Variants in TRPM7 observed in about 807,000 individuals in gnomAD.
TRPM7 encodes transient receptor potential cation channel subfamily M member 7, also known as LTRPC ion channel family member 7.
TRPM7 carries 134 observed loss-of-function variants against 229.7 expected under a neutral mutation model. The ratio of observed to expected loss-of-function variants is 0.58; its 90% CI spans 0.51 to 0.67. TRPM7 has a LOEUF of 0.67. Among genes scored for constraint, TRPM7 ranks in the 30% least tolerant of loss-of-function variants. The pLI, the probability that TRPM7 is intolerant of heterozygous loss-of-function variation, is 0.00. For synonymous variants in TRPM7, 699 were observed against 715.2 expected (o/e 0.98, Z 0.36); for missense variants, 1,901 against 2,210.0 (o/e 0.86, Z 2.80).
At position 50,651,163 on chromosome 15, in the gene TRPM7, G is replaced by A. The variant is rs1362601403; in HGVS notation, c.123-2278C>T. ...TATGGTGCCACTGCACTCCAGCCTG[G>A]GTGACACAGAGAGACCCTGTCTCAA... On this transcript the variant is annotated intron_variant, in intron 3 of 38. Coordinates refer to ENST00000646667, the MANE Select transcript of TRPM7 (RefSeq NM_017672.6). Among the ~76,000 whole-genome samples the A allele has an allele frequency of 2.0e-5, 3 of 152,028 alleles. No homozygotes were observed. The East Asian group carries it at 5.8e-4, about 29-fold the overall frequency.
intron 21 of TRPM7, among the ~76,000 whole-genome samples, chr15:50,601,028 T>C (rs527763706): frequency 6.6e-6 from 1 of 152,178 alleles, no homozygotes; most frequent in Admixed American, 6.5e-5. Flanking sequence ...AAACAAAATA[T>C]TGCAAAACAA....
intron 19 of TRPM7, among the ~76,000 whole-genome samples, chr15:50,607,836 C>G (rs1254083628): frequency 6.8e-6 from 1 of 146,624 alleles, no homozygotes; most frequent in Non-Finnish European, 1.5e-5. Flanking sequence ...CATCTGAGGT[C>G]AGGGGTTCGA....
At chr15:50,685,678 C>G (rs978780389) in intron 1 of TRPM7, among the ~76,000 whole-genome samples, 1 of 152,166 alleles carries the variant, frequency 6.6e-6, no homozygotes, top group Non-Finnish European at 1.5e-5. Context: ...ACCTACTTTG[C>G]TCTTCATGTC....
At chr15:50,578,592 T>C (rs1423176386) in intron 31 of TRPM7, 47 bp downstream of exon 31, 4 of 1,572,578 alleles carry the variant, frequency 2.5e-6, no homozygotes, top group African/African-American at 1.4e-5. Context: ...TAACAGATCA[T>C]GTAAGATTCT....
chr15:50,637,660 G>C, intron 6 of TRPM7, 67 bp from the exon 7 acceptor site: 2 of 1,346,960 alleles, frequency 1.5e-6, no homozygotes, highest in Non-Finnish European at 2.0e-6. Context: ...AATAAATTTT[G>C]AAATAATCCG....
chr15:50,600,179 G>A (rs949127957), intron 21 of TRPM7, among the ~76,000 whole-genome samples: 7 of 152,350 alleles, frequency 4.6e-5, no homozygotes, highest in African/African-American at 1.7e-4. Flanking sequence ...ACTCAAGCCT[G>A]TAATCCCAGC....
chr15:50,619,741 T>C lies in TRPM7; in HGVS notation c.1494+4A>G. ...TTTTTCAAAAGCAAAAAATAATCTC[T>C]TACCTGTTTGACGTCTCGAACAAGA... On this transcript the variant is annotated splice_donor_region_variant and intron_variant, in intron 13 of 38. Coordinates refer to ENST00000646667, the MANE Select transcript of TRPM7 (RefSeq NM_017672.6). 1.3e-6 allele frequency: 2 copies of C among 1,587,044 alleles called. No homozygotes were observed. Among genetic ancestry groups the C allele is most frequent in the Non-Finnish European group, 1.7e-6 (2 of 1,171,186 alleles).
In TRPM7 at chr15:50,560,397, TCA is replaced by T. The variant is rs1439632221; in HGVS notation, c.*1279_*1280del. ...ACTTTTTCTTTCTCCCCACCCCCAA[TCA>T]ATATTAAACACTATTTAAACAGCTT... On this transcript the variant is annotated 3_prime_UTR_variant, in exon 39 of 39. Coordinates refer to ENST00000646667, the MANE Select transcript of TRPM7 (RefSeq NM_017672.6). 1 of 152,544 alleles carries T rather than the reference TCA, an allele frequency of 6.6e-6. No individual in the cohort carries two copies. Among genetic ancestry groups the T allele is most frequent in the Non-Finnish European group, 1.5e-5 (1 of 68,016 alleles). 9.4% of individuals were successfully genotyped at this position (152,544 alleles called of 1,614,324 possible). A position where few individuals can be genotyped will look rare whatever the true frequency, so the allele number is the denominator to read the frequency against.
chr15:50,574,136 C>A (rs2054025209), intron 36 of TRPM7, 138 bp downstream of exon 36: 5 of 676,578 alleles, frequency 7.4e-6, no homozygotes, highest in Non-Finnish European at 1.3e-5. Context: ...TATGCTATGA[C>A]TGTGATTAAC....
intron 31 of TRPM7, among the ~76,000 whole-genome samples, chr15:50,577,247 G>A (rs1566945788): frequency 6.6e-6 from 1 of 152,064 alleles, no homozygotes; most frequent in Non-Finnish European, 1.5e-5. Flanking sequence ...TAAAGTGGAG[G>A]AGTGACCTTT....
chr15:50,650,062 G>C (rs748295606), intron 3 of TRPM7, among the ~76,000 whole-genome samples: 1 of 151,428 alleles, frequency 6.6e-6, no homozygotes, highest in Non-Finnish European at 1.5e-5. Flanking sequence ...GCATGGTGGC[G>C]CGTGCCTGTA....
At chr15:50,565,284 G>A (rs1026105685) in intron 38 of TRPM7, among the ~76,000 whole-genome samples, 4 of 151,876 alleles carry the variant, frequency 2.6e-5, no homozygotes, top group Admixed American at 6.6e-5. Flanking sequence ...CTTAAAAAAT[G>A]GAAACTGTTT....
intron 2 of TRPM7, among the ~76,000 whole-genome samples, chr15:50,659,965 A>T (rs534515854): frequency 6.6e-6 from 1 of 152,282 alleles, no homozygotes; most frequent in African/African-American, 2.4e-5. Context: ...ACACCCGACC[A>T]ACAAAATCTA....
intron 13 of TRPM7, among the ~76,000 whole-genome samples, chr15:50,618,395 C>A (rs923932848): frequency 1.3e-5 from 2 of 151,856 alleles, no homozygotes; most frequent in South Asian, 2.1e-4. Context: ...ATGGTGAAAC[C>A]CCGTCTCTAC....
intron 4 of TRPM7, among the ~76,000 whole-genome samples, chr15:50,644,820 AAAG>A (rs2061213696): frequency 1.3e-5 from 2 of 148,490 alleles, no homozygotes; most frequent in Non-Finnish European, 3.0e-5. Context: ...AAAAAAAAAA[AAAG>A]AAATGAAGCC....
chr15:50,570,747 C>T (rs929234711), intron 36 of TRPM7, among the ~76,000 whole-genome samples: 6 of 148,404 alleles, frequency 4.0e-5, no homozygotes, highest in African/African-American at 5.0e-5. Flanking sequence ...CAGCTACTTT[C>T]GGGAGGCTGA....
intron 1 of TRPM7, among the ~76,000 whole-genome samples, chr15:50,677,335 C>T (rs2062114824): frequency 6.6e-6 from 1 of 152,038 alleles, no homozygotes; most frequent in South Asian, 2.1e-4. Context: ...CTCCAAATAC[C>T]ATCACACTGG....
intron 31 of TRPM7, among the ~76,000 whole-genome samples, chr15:50,578,193 C>A (rs557784069): frequency 6.6e-6 from 1 of 152,282 alleles, no homozygotes; most frequent in East Asian, 1.9e-4. Flanking sequence ...ATGCACTATA[C>A]ACTTCGATAA....
chr15:50,642,469 G>A (rs2061131282), intron 5 of TRPM7, among the ~76,000 whole-genome samples: 1 of 152,172 alleles, frequency 6.6e-6, no homozygotes, highest in Non-Finnish European at 1.5e-5. Context: ...GAGAGACCAG[G>A]TGGAAGTAAC....
Sources: gnomAD v4.1 joint callset for allele counts (sites outside exome capture counted in the v4.1 genomes callset) on GRCh38, gnomAD v4.1.1 for gene constraint, MANE v1.5 for transcripts, NCBI Gene and HGNC (gene_info 2026-07-23, HGNC 2026-07-21) for gene names.